HTR1F: variants seen among roughly 807,000 people sequenced by gnomAD.
HTR1F encodes the protein 5-hydroxytryptamine receptor 1F.
A neutral mutation model predicts 24.0 loss-of-function variants in HTR1F; 17 were observed. The observed-to-expected ratio is 0.71, with a 90% confidence interval of 0.48 to 1.06. The LOEUF (loss-of-function observed/expected upper bound fraction) is 1.06, where lower values mean the gene tolerates loss of function less well. Among genes scored for constraint, HTR1F ranks in the 50% least tolerant of loss-of-function variants. HTR1F has a pLI of 0.00. For synonymous variants in HTR1F, 186 were observed against 156.8 expected, an observed-to-expected ratio of 1.19 and a Z score of -1.39; for missense variants, 391 against 427.8, an observed-to-expected ratio of 0.91 and a Z score of 0.76.
chr3:87,954,215 A>G (rs1448030658), intron 2 of HTR1F, among the ~76,000 whole-genome samples: 1 of 151,870 alleles, frequency 6.6e-6, no homozygotes, highest in Non-Finnish European at 1.5e-5. Flanking sequence ...CAACAAAAAT[A>G]AATGATAAAT....
At chr3:87,802,394 G>A (rs1461150730) in intron 1 of HTR1F, among the ~76,000 whole-genome samples, 5 of 146,450 alleles carry the variant, frequency 3.4e-5, no homozygotes, top group Non-Finnish European at 6.0e-5. Flanking sequence ...AGGCTAGAGT[G>A]CAATAGTAGG....
intron 2 of HTR1F, among the ~76,000 whole-genome samples, chr3:87,935,919 C>T (rs978621644): frequency 1.2e-4 from 18 of 152,024 alleles, no homozygotes; most frequent in South Asian, 4.2e-4. Context: ...GGCATGATCT[C>T]GGCTCACTGC....
intron 2 of HTR1F, among the ~76,000 whole-genome samples, chr3:87,872,401 A>G (rs577147213): frequency 6.6e-6 from 1 of 152,208 alleles, no homozygotes; most frequent in African/African-American, 2.4e-5. Flanking sequence ...ACTCACAGTT[A>G]ACTGAAGAAA....
chr3:87,976,760 T>G (rs1217108862), intron 2 of HTR1F, among the ~76,000 whole-genome samples: 4 of 152,224 alleles, frequency 2.6e-5, no homozygotes, highest in Admixed American at 1.3e-4. Flanking sequence ...TTTAAAATAT[T>G]TTTCATATCT....
rs553191963 is a variant in HTR1F, at chr3:87,922,673, T to C, written c.-42-68035T>C. On this transcript the variant is annotated intron_variant, in intron 2 of 2. Transcript: ENST00000319595. Reference sequence around the variant, plus strand: ...AGTTTTGGGTCTTACATGTAAGTCTTCAATGCATTTTGAGTTAATTTTTAT... The same window carrying C: ...AGTTTTGGGTCTTACATGTAAGTCTCCAATGCATTTTGAGTTAATTTTTAT... Among the ~76,000 whole-genome samples the C allele has an allele frequency of 3.9e-5, 6 of 152,188 alleles. No individual in the cohort carries two copies. In the East Asian group the frequency reaches 1.2e-3, roughly 29 times the overall value.
At chr3:87,981,405 C>T (rs567151140) in intron 2 of HTR1F, among the ~76,000 whole-genome samples, 1 of 152,218 alleles carries the variant, frequency 6.6e-6, no homozygotes, top group East Asian at 1.9e-4. Flanking sequence ...GTGTTGCCCA[C>T]GCTAGTCTCG....
chr3:87,963,108 G>A (rs998569057), intron 2 of HTR1F, among the ~76,000 whole-genome samples: 8 of 151,906 alleles, frequency 5.3e-5, no homozygotes, highest in Non-Finnish European at 1.0e-4. Context: ...AAAATTAATG[G>A]TCTTGGGCAA....
At chr3:87,899,964 C>T (rs762185144) in intron 2 of HTR1F, among the ~76,000 whole-genome samples, 8 of 152,160 alleles carry the variant, frequency 5.3e-5, no homozygotes, top group Non-Finnish European at 1.0e-4. Flanking sequence ...AGGCTCTACA[C>T]ATGTGTGCAG....
chr3:87,923,150 T>A (rs961425953), intron 2 of HTR1F, among the ~76,000 whole-genome samples: 1 of 152,112 alleles, frequency 6.6e-6, no homozygotes, highest in Non-Finnish European at 1.5e-5. Context: ...GGTGCTATGT[T>A]GTTTTGGTTA....
chr3:87,962,618 G>C (rs536190200), intron 2 of HTR1F, among the ~76,000 whole-genome samples: 1 of 151,930 alleles, frequency 6.6e-6, no homozygotes, highest in Non-Finnish European at 1.5e-5. Context: ...GTTTATATTA[G>C]CAGGATATGA....
At chr3:87,987,653 T>TAAA (rs1157673902) in intron 2 of HTR1F, among the ~76,000 whole-genome samples, 1 of 128,838 alleles carries the variant, frequency 7.8e-6, no homozygotes, top group African/African-American at 3.1e-5. Context: ...TATATATATA[T>TAAA]ATATAAAAAT....
intron 2 of HTR1F, among the ~76,000 whole-genome samples, chr3:87,966,145 A>C (rs1484915172): frequency 6.6e-6 from 1 of 152,156 alleles, no homozygotes; most frequent in Non-Finnish European, 1.5e-5. Flanking sequence ...TATGTTCCTC[A>C]TAGACAGCCG....
chr3:87,829,485 C>A (rs1266520823), intron 2 of HTR1F, among the ~76,000 whole-genome samples: 1 of 152,180 alleles, frequency 6.6e-6, no homozygotes, highest in East Asian at 1.9e-4. Flanking sequence ...AAAGTCTCCC[C>A]ATTCATGAGA....
At chr3:87,820,839 G>GT (rs1704345822) in intron 1 of HTR1F, among the ~76,000 whole-genome samples, 1 of 152,098 alleles carries the variant, frequency 6.6e-6, no homozygotes, top group Non-Finnish European at 1.5e-5. Flanking sequence ...CCTTATTTAT[G>GT]TTTTGTAAAG....
At chr3:87,957,247 T>A (rs1386690529) in intron 2 of HTR1F, among the ~76,000 whole-genome samples, 1 of 151,364 alleles carries the variant, frequency 6.6e-6, no homozygotes, top group Non-Finnish European at 1.5e-5. Flanking sequence ...CTTAATATGT[T>A]AAATTATATT....
chr3:87,989,224 A>G (rs1373234038), intron 2 of HTR1F, among the ~76,000 whole-genome samples: 1 of 152,252 alleles, frequency 6.6e-6, no homozygotes, highest in East Asian at 1.9e-4. Flanking sequence ...AATGGACTAA[A>G]GCAAAACTTA....
intron 2 of HTR1F, among the ~76,000 whole-genome samples, chr3:87,911,000 A>C (rs1457391984): frequency 6.6e-6 from 1 of 152,060 alleles, no homozygotes; most frequent in African/African-American, 2.4e-5. Flanking sequence ...TATAGCACTA[A>C]ATGCCTACAT....
At chr3:87,973,086 G>A (rs930507060) in intron 2 of HTR1F, among the ~76,000 whole-genome samples, 6 of 151,954 alleles carry the variant, frequency 3.9e-5, no homozygotes, top group African/African-American at 9.7e-5. Context: ...CAGGAGAATC[G>A]CTTGAACCCG....
chr3:87,837,685 T>C (rs1357818313), intron 2 of HTR1F, among the ~76,000 whole-genome samples: 6 of 152,014 alleles, frequency 3.9e-5, no homozygotes, highest in African/African-American at 1.4e-4. Flanking sequence ...AATTTATTAT[T>C]ATTAAACATA....
Sources: allele counts gnomAD v4.1 joint callset (sites outside exome capture counted in the v4.1 genomes callset), GRCh38; gene constraint gnomAD v4.1.1; transcripts MANE v1.5; gene names NCBI Gene and HGNC (gene_info 2026-07-23, HGNC 2026-07-21).